ADRA1B: variants seen among roughly 807,000 people sequenced by gnomAD.
ADRA1B encodes the protein adrenoceptor alpha 1B.
ADRA1B carries 17 observed loss-of-function variants against 17.9 expected under a neutral mutation model. The ratio of observed to expected loss-of-function variants is 0.95; its 90% CI spans 0.65 to 1.42. The LOEUF (loss-of-function observed/expected upper bound fraction) is 1.42. Among genes scored for constraint, ADRA1B ranks in the 40% most tolerant of loss-of-function variants. The probability of loss-of-function intolerance (pLI) is 0.00; values close to 1 mark genes in which losing one functional copy is unlikely to be tolerated. For missense variants in ADRA1B, 681 were observed against 722.1 expected (o/e 0.94, Z 0.65); for synonymous variants, 366 against 327.6 (o/e 1.12, Z -1.27).
chr5:159,920,440 G>A (rs1473331551), intron 1 of ADRA1B, among the ~76,000 whole-genome samples: 1 of 152,130 alleles, frequency 6.6e-6, no homozygotes, highest in East Asian at 1.9e-4. Flanking sequence ...CTCAGGTCCT[G>A]AGCTTCCACA....
Position 159,917,138 on chromosome 5 carries a change from C to A in ADRA1B, c.233C>A (p.Thr78Lys). 6.2e-7 allele frequency: 1 copy of A among 1,614,132 alleles called. No homozygotes were observed. Among genetic ancestry groups the A allele is most frequent in the Non-Finnish European group, 8.5e-7 (1 of 1,180,016 alleles). The change falls in exon 1 of 2, where the codon ACG (threonine) becomes AAG (lysine). Residue 78 changes from threonine (T) to lysine (K), a missense_variant. Transcript: ENST00000306675. ...GTGGCCTGCAACCGGCACCTGCGGA[C>A]GCCCACCAACTACTTCATTGTCAAC... ...LSVACNRHLR[T>K]PTNYFIVNLA...
At chr5:159,882,957 C>G (rs1417975958) in intron 1 of ADRA1B, among the ~76,000 whole-genome samples, 1 of 152,164 alleles carries the variant, frequency 6.6e-6, no homozygotes, top group Non-Finnish European at 1.5e-5. Flanking sequence ...AACCAATCTT[C>G]CCAAGATTCA....
At chr5:159,988,985 T>C in the ADRA1B span, among the ~76,000 whole-genome samples, 25 of 152,188 alleles carry the variant, frequency 1.6e-4, no homozygotes, top group Admixed American at 6.5e-5. Flanking sequence ...CATATAAATA[T>C]CTCTTCCAGA....
At position 159,972,901 on chromosome 5, in the gene ADRA1B, G is replaced by A. The variant is rs1416648159; in HGVS notation, c.*409G>A. Among the ~76,000 whole-genome samples the A allele has an allele frequency of 6.6e-6, 1 of 152,242 alleles. No homozygotes were observed. Among genetic ancestry groups the A allele is most frequent in the Non-Finnish European group, 1.5e-5 (1 of 68,046 alleles). ...GTGCGCCCAGGAGGCAACCGGGGGC[G>A]TTGTGTGTGTCGTGACTTCGTACCT... is the stretch of plus-strand genomic sequence containing the variant. On this transcript the variant is annotated 3_prime_UTR_variant, in exon 2 of 2. Transcript: ENST00000306675.
At chr5:159,870,531 A>T (rs1285330440) in intron 1 of ADRA1B, 1 of 152,230 alleles carries the variant, frequency 6.6e-6, no homozygotes, top group African/African-American at 2.4e-5. Flanking sequence ...CAATGTCAAA[A>T]AATTCTGCAA....
intron 1 of ADRA1B, among the ~76,000 whole-genome samples, chr5:159,953,482 A>G (rs571121358): frequency 1.2e-4 from 18 of 152,090 alleles, no homozygotes; most frequent in African/African-American, 4.1e-4. Context: ...TCTTCTAGAC[A>G]CCCCCACACT....
chr5:159,890,479 G>T (rs867875166), intron 1 of ADRA1B, among the ~76,000 whole-genome samples: 9 of 152,298 alleles, frequency 5.9e-5, no homozygotes, highest in African/African-American at 2.2e-4. Context: ...TTCAGACAGG[G>T]TAGGGTCCAG....
intron 1 of ADRA1B, among the ~76,000 whole-genome samples, chr5:159,961,099 C>T (rs988855688): frequency 3.2e-4 from 48 of 152,310 alleles, no homozygotes; most frequent in African/African-American, 1.2e-3. Flanking sequence ...GAGAAATTCC[C>T]TAGTGTTTAA....
intron 1 of ADRA1B, among the ~76,000 whole-genome samples, chr5:159,934,767 G>C (rs867226222): frequency 6.6e-6 from 1 of 150,668 alleles, no homozygotes; most frequent in Non-Finnish European, 1.5e-5. Context: ...AGTAAGCGCC[G>C]AGATTGCACC....
At chr5:159,914,152 G>A (rs377716137), upstream of ADRA1B, among the ~76,000 whole-genome samples, 10 of 152,240 alleles carry the variant, frequency 6.6e-5, no homozygotes, top group Non-Finnish European at 1.3e-4. Context: ...CTGGAGCTAC[G>A]GGATCTCAAA....
intron 1 of ADRA1B, among the ~76,000 whole-genome samples, chr5:159,929,318 A>C (rs1754739240): frequency 6.6e-6 from 1 of 152,198 alleles, no homozygotes; most frequent in South Asian, 2.1e-4. Context: ...CAACAAATGT[A>C]ATGTTATATC....
intron 1 of ADRA1B, among the ~76,000 whole-genome samples, chr5:159,920,054 T>C (rs1754437952): frequency 6.6e-6 from 1 of 152,174 alleles, no homozygotes; most frequent in Non-Finnish European, 1.5e-5. Flanking sequence ...CTTGTGAAAC[T>C]TCATAAACAA....
At chr5:159,923,785 C>A (rs1754560890) in intron 1 of ADRA1B, among the ~76,000 whole-genome samples, 1 of 152,262 alleles carries the variant, frequency 6.6e-6, no homozygotes, top group African/African-American at 2.4e-5. Context: ...AGACCTCTTG[C>A]ATCAGATTCT....
At chr5:159,973,013 C>A (rs758229966), downstream of ADRA1B, among the ~76,000 whole-genome samples, 18 of 152,204 alleles carry the variant, frequency 1.2e-4, no homozygotes, top group Non-Finnish European at 2.4e-4. Flanking sequence ...TTCTCCTGTT[C>A]GGCTTTGAGT....
the ADRA1B span, among the ~76,000 whole-genome samples, chr5:159,983,601 A>G: frequency 6.6e-6 from 1 of 152,192 alleles, no homozygotes; most frequent in East Asian, 1.9e-4. Flanking sequence ...CAAGGGTGCC[A>G]GCCGAACCGA....
intron 1 of ADRA1B, among the ~76,000 whole-genome samples, chr5:159,954,897 G>C (rs1217489414): frequency 1.3e-5 from 2 of 152,144 alleles, no homozygotes. Context: ...TGTCCTACAG[G>C]ACATCTTCAA....
At chr5:159,908,561 G>A (rs1031254085) in intron 1 of ADRA1B, among the ~76,000 whole-genome samples, 7 of 152,146 alleles carry the variant, frequency 4.6e-5, no homozygotes, top group African/African-American at 1.4e-4. Flanking sequence ...CCACTATGGA[G>A]TGGAAGTAGC....
At chr5:159,940,353 C>T (rs1300168943) in intron 1 of ADRA1B, among the ~76,000 whole-genome samples, 1 of 152,204 alleles carries the variant, frequency 6.6e-6, no homozygotes, top group Non-Finnish European at 1.5e-5. Context: ...GATCAGGCCT[C>T]TTATCCTCCA....
intron 1 of ADRA1B, among the ~76,000 whole-genome samples, chr5:159,929,757 AT>A (rs200800076): frequency 6.6e-5 from 10 of 152,176 alleles, no homozygotes; most frequent in South Asian, 2.1e-4. Context: ...GAAAAAAAAA[AT>A]GAAAAAATTA....
Sources: gnomAD v4.1 joint callset for allele counts (sites outside exome capture counted in the v4.1 genomes callset) on GRCh38, gnomAD v4.1.1 for gene constraint, MANE v1.5 for transcripts, NCBI Gene and HGNC (gene_info 2026-07-23, HGNC 2026-07-21) for gene names.